The following ST7L variants were observed in gnomAD, a reference collection of about 807,000 sequenced individuals.
ST7L encodes the protein suppressor of tumorigenicity 7 protein-like.
ST7L carries 57 observed loss-of-function variants against 72.5 expected under a neutral mutation model. That is an observed-to-expected ratio of 0.79 (90% CI 0.64 to 0.98). The LOEUF is 0.98. ST7L is among the 50% of genes least tolerant of loss of function. ST7L has a pLI of 0.00. For missense variants in ST7L, 576 were observed against 672.2 expected, an observed-to-expected ratio of 0.86 and a Z score of 1.58; for synonymous variants, 221 against 240.9, an observed-to-expected ratio of 0.92 and a Z score of 0.77.
chr1:112,618,679 A>C, intron 1 of ST7L: 1 of 862,108 alleles, frequency 1.2e-6, no homozygotes. Context: ...AAAAACGAGG[A>C]CATAAGAGAG....
intron 2 of ST7L, among the ~76,000 whole-genome samples, chr1:112,613,783 A>T (rs949576607): frequency 1.3e-5 from 2 of 152,114 alleles, no homozygotes; most frequent in Non-Finnish European, 2.9e-5. Flanking sequence ...GCTGGAGTGC[A>T]GTAGCATGAT....
chr1:112,553,243 C>CACAT (rs1331191545), intron 12 of ST7L, among the ~76,000 whole-genome samples: 1 of 151,890 alleles, frequency 6.6e-6, no homozygotes, highest in Admixed American at 6.6e-5. Context: ...AACACACACA[C>CACAT]ACACACACAC....
intron 14 of ST7L, among the ~76,000 whole-genome samples, chr1:112,538,276 G>T (rs375677626): frequency 6.6e-6 from 1 of 152,178 alleles, no homozygotes; most frequent in Non-Finnish European, 1.5e-5. Context: ...TAGTTTGCCA[G>T]TGCCTAGAAC....
rs1414164414 is a variant in ST7L, at chr1:112,584,277, TA to T, written c.702-152del. 2.6e-5 allele frequency: 17 copies of T among 662,472 alleles called. No homozygotes were observed. The East Asian group carries it at 3.3e-4, about 13-fold the overall frequency. The allele number at this position is 662,472 out of a possible 1,614,324, so 41.0% of individuals were successfully genotyped here. On this transcript the variant is annotated intron_variant, in intron 6 of 14. Transcript: ENST00000358039. ...ACCTTCGTTCAATATTTTACCTTAA[TA>T]GGGGCACATTGGTATATTCTTTATG...
At chr1:112,617,860 C>T in intron 1 of ST7L, 1 of 472,430 alleles carries the variant, frequency 2.1e-6, no homozygotes, top group Non-Finnish European at 3.6e-6. Context: ...TAACACTGTG[C>T]ATAGAAACCA....
At chr1:112,573,309 T>A (rs1474372032) in intron 11 of ST7L, among the ~76,000 whole-genome samples, 1 of 128,624 alleles carries the variant, frequency 7.8e-6, no homozygotes, top group Non-Finnish European at 1.6e-5. Context: ...GATCGCGCCA[T>A]TGCACTCCAG....
At chr1:112,587,891 A>G (rs1299018221) in intron 6 of ST7L, among the ~76,000 whole-genome samples, 1 of 152,214 alleles carries the variant, frequency 6.6e-6, no homozygotes, top group Non-Finnish European at 1.5e-5. Flanking sequence ...CTGAATCCGT[A>G]GATCAATTTA....
At chr1:112,531,402 T>C (rs898346330) in intron 14 of ST7L, among the ~76,000 whole-genome samples, 1 of 152,236 alleles carries the variant, frequency 6.6e-6, no homozygotes, top group Non-Finnish European at 1.5e-5. Flanking sequence ...TTCCAGCTGC[T>C]GAGTATAAAG....
Position 112,598,100 on chromosome 1 carries a change from C to G in ST7L, c.507-14G>C, listed in dbSNP as rs752988958. 6 of 1,581,132 alleles carry G rather than the reference C, an allele frequency of 3.8e-6. No individual in the cohort carries two copies. In the Admixed American group the frequency reaches 7.0e-5, roughly 18 times the overall value. ...ACCCAAGTGTATCTTTACCAAAACA[C>G]AACAAAATATTTAAATTGAACATGA... On this transcript the variant is annotated splice_polypyrimidine_tract_variant and intron_variant, in intron 4 of 14. Transcript: ENST00000358039.
At position 112,597,912 on chromosome 1, in the gene ST7L, G is replaced by T. The variant is rs188422630; in HGVS notation, c.622+59C>A. On this transcript the variant is annotated intron_variant, in intron 5 of 14. Coordinates refer to ENST00000358039, the MANE Select transcript of ST7L (RefSeq NM_017744.5). The stretch of plus-strand genomic sequence containing the variant: ...GTATATTATAATAAATAACTCTAAA[G>T]AACTTTTAAGATGATCTTCATGATC... 322 of 1,294,888 alleles carry T rather than the reference G, an allele frequency of 2.5e-4. 5 individuals carry two copies. In the East Asian group the frequency reaches 6.3e-3, roughly 25 times the overall value. The allele number at this position is 1,294,888 out of a possible 1,614,324, so 80.2% of individuals were successfully genotyped here. A position where few individuals can be genotyped will look rare whatever the true frequency, so the allele number is the denominator to read the frequency against.
intron 6 of ST7L, 185 bp downstream of exon 6, chr1:112,591,340 T>C: frequency 1.8e-6 from 1 of 556,588 alleles, no homozygotes; most frequent in African/African-American, 1.9e-5. Context: ...CATATATAGA[T>C]TTACAATTTC....
intron 14 of ST7L, chr1:112,527,351 T>C (rs935340618): frequency 6.6e-6 from 1 of 152,604 alleles, no homozygotes; most frequent in African/African-American, 2.4e-5. Context: ...CTTTATTTTT[T>C]GGTCCATCGA....
At chr1:112,574,011 CTCAAGTGAT>C (rs1263975245) in intron 11 of ST7L, among the ~76,000 whole-genome samples, 2 of 139,288 alleles carry the variant, frequency 1.4e-5, no homozygotes, top group Non-Finnish European at 3.0e-5. Context: ...ATCTCTAGGA[CTCAAGTGAT>C]TCTCCTGCCT....
At chr1:112,608,030 TC>T (rs1558054890) in intron 3 of ST7L, among the ~76,000 whole-genome samples, 1 of 152,116 alleles carries the variant, frequency 6.6e-6, no homozygotes, top group African/African-American at 2.4e-5. Flanking sequence ...AATTTTTTTT[TC>T]CCCCTTGGAG....
chr1:112,570,433 T>G (rs144657342), intron 11 of ST7L, among the ~76,000 whole-genome samples: 1 of 151,898 alleles, frequency 6.6e-6, no homozygotes, highest in African/African-American at 2.4e-5. Context: ...TCTGTTGTAG[T>G]TATGTGGAAA....
At chr1:112,555,813 T>C (rs1346844409) in intron 12 of ST7L, 55 bp downstream of exon 12, 1 of 1,374,620 alleles carries the variant, frequency 7.3e-7, no homozygotes, top group Admixed American at 2.6e-5. Flanking sequence ...AGACTGCCTG[T>C]GAATTCAATG....
In ST7L at chr1:112,619,013, C is replaced by G; in HGVS notation, c.101G>C (p.Arg34Pro). Reference protein sequence around the residue: ...NPTLGWRERLRAGLAGTGASL... With the variant: ...NPTLGWRERLPAGLAGTGASL... The stretch of plus-strand genomic sequence containing the variant: ...GGCCCCAGTCCCCGCCAGCCCGGCC[C>G]GCAGTCGCTCCCTCCAGCCTAGCGT... The change falls in exon 1 of 15, where the codon CGG becomes CCG. Residue 34 changes from arginine (R) to proline (P), a missense_variant. By Grantham distance (103) the Arg-to-Pro change is moderately radical. Coordinates refer to ENST00000358039, the MANE Select transcript of ST7L (RefSeq NM_017744.5). 1 of 1,613,482 alleles carries G rather than the reference C, an allele frequency of 6.2e-7. No homozygotes were observed. Among genetic ancestry groups the G allele is most frequent in the Non-Finnish European group, 8.5e-7 (1 of 1,179,766 alleles).
At chr1:112,579,202 G>A (rs1275068478) in intron 9 of ST7L, among the ~76,000 whole-genome samples, 1 of 151,966 alleles carries the variant, frequency 6.6e-6, no homozygotes, top group Non-Finnish European at 1.5e-5. Context: ...GGCCAACATA[G>A]TGAAACCCTG....
intron 7 of ST7L, 78 bp from the exon 8 acceptor site, chr1:112,582,550 T>C: frequency 1.3e-6 from 1 of 779,686 alleles, no homozygotes; most frequent in Non-Finnish European, 2.0e-6. Context: ...TATCCATTAA[T>C]TTTATTTGCT....
Sources: allele counts gnomAD v4.1 joint callset (sites outside exome capture counted in the v4.1 genomes callset), GRCh38; gene constraint gnomAD v4.1.1; transcripts MANE v1.5; gene names NCBI Gene and HGNC (gene_info 2026-07-23, HGNC 2026-07-21).